LOC400499: variants seen among roughly 807,000 people sequenced by gnomAD.
At chr16:11,488,544 C>G in the LOC400499 span, among the ~76,000 whole-genome samples, 1 of 152,128 alleles carries the variant, frequency 6.6e-6, no homozygotes, top group Non-Finnish European at 1.5e-5. Context: ...CTCAGCCTCC[C>G]AAAGTGCTGG....
At chr16:11,479,932 G>A in the LOC400499 span, among the ~76,000 whole-genome samples, 1 of 152,008 alleles carries the variant, frequency 6.6e-6, no homozygotes, top group African/African-American at 2.4e-5. Flanking sequence ...TGTTTTTCAT[G>A]CCACGTATGT....
At chr16:11,433,252 A>T in the LOC400499 span, among the ~76,000 whole-genome samples, 1 of 152,196 alleles carries the variant, frequency 6.6e-6, no homozygotes, top group East Asian at 1.9e-4. Context: ...ATTTGCCTCG[A>T]ATCCTTTTCA....
the LOC400499 span, chr16:11,393,613 C>A: frequency 8.2e-7 from 1 of 1,222,338 alleles, no homozygotes; most frequent in South Asian, 4.2e-5. Context: ...TGTCCCTGGT[C>A]TCTCCCCTGC....
chr16:11,398,754 G>A, the LOC400499 span, among the ~76,000 whole-genome samples: 1 of 151,840 alleles, frequency 6.6e-6, no homozygotes. Context: ...CTACCTCCCA[G>A]GTTCAAGCGA....
At chr16:11,401,317 T>A in the LOC400499 span, 2 of 399,196 alleles carry the variant, frequency 5.0e-6, no homozygotes, top group Non-Finnish European at 8.8e-6. Flanking sequence ...TGGCCTCGGC[T>A]TGCCGCCAAG....
At chr16:11,383,021 C>G in the LOC400499 span, among the ~76,000 whole-genome samples, 1 of 151,450 alleles carries the variant, frequency 6.6e-6, no homozygotes. Context: ...CCTCAGGAAG[C>G]TTACAATCAT....
the LOC400499 span, chr16:11,493,584 G>A: frequency 6.6e-5 from 26 of 395,450 alleles, no homozygotes; most frequent in African/African-American, 4.1e-4. Context: ...TTAGCAAACT[G>A]TGGTTCGAGA....
chr16:11,511,837 G>C, the LOC400499 span, among the ~76,000 whole-genome samples: 2 of 151,750 alleles, frequency 1.3e-5, no homozygotes, highest in African/African-American at 4.8e-5. Context: ...GACCAGCCTG[G>C]GCAACATAGC....
the LOC400499 span, chr16:11,399,851 G>A: frequency 5.0e-6 from 2 of 398,684 alleles, no homozygotes; most frequent in Non-Finnish European, 8.8e-6. Flanking sequence ...TGGGGAAAGG[G>A]GGACATGTAG....
At chr16:11,460,855 G>A in the LOC400499 span, 16 of 1,378,848 alleles carry the variant, frequency 1.2e-5, no homozygotes, top group African/African-American at 2.3e-4. Flanking sequence ...ATGACTAATG[G>A]AAAACCCCGT....
At chr16:11,513,936 C>A in the LOC400499 span, among the ~76,000 whole-genome samples, 17 of 152,118 alleles carry the variant, frequency 1.1e-4, no homozygotes, top group South Asian at 2.1e-4. Flanking sequence ...ATCCTCCCCC[C>A]AGATATAGGC....
chr16:11,472,194 CT>C, the LOC400499 span: 7,128 of 144,202 alleles, frequency 0.049, 289 homozygotes, highest in East Asian at 0.17. Flanking sequence ...TAGACTTTTT[CT>C]TTTTTTTTTT....
At chr16:11,489,976 C>T in the LOC400499 span, among the ~76,000 whole-genome samples, 1 of 152,294 alleles carries the variant, frequency 6.6e-6, no homozygotes, top group East Asian at 1.9e-4. Flanking sequence ...GCCTAAAGGC[C>T]TATCAGTGGA....
the LOC400499 span, chr16:11,449,013 G>T: frequency 8.5e-6 from 13 of 1,524,474 alleles, no homozygotes; most frequent in South Asian, 1.4e-4. Context: ...GCTGTTCTCA[G>T]CATGGATCTC....
At chr16:11,514,133 G>A in the LOC400499 span, among the ~76,000 whole-genome samples, 1 of 152,198 alleles carries the variant, frequency 6.6e-6, no homozygotes, top group African/African-American at 2.4e-5. Context: ...GGACATCCCA[G>A]GGAAAAGGGA....
At chr16:11,387,687 G>T in the LOC400499 span, among the ~76,000 whole-genome samples, 3 of 152,096 alleles carry the variant, frequency 2.0e-5, no homozygotes, top group African/African-American at 7.2e-5. Flanking sequence ...GAGTGTAGTG[G>T]CACAATCTCA....
the LOC400499 span, among the ~76,000 whole-genome samples, chr16:11,421,661 C>T: frequency 4.6e-5 from 7 of 152,134 alleles, no homozygotes; most frequent in Admixed American, 2.0e-4. Flanking sequence ...ACCTCGGCCT[C>T]CCAAAGTATT....
At chr16:11,476,084 G>C in the LOC400499 span, among the ~76,000 whole-genome samples, 1 of 152,046 alleles carries the variant, frequency 6.6e-6, no homozygotes, top group African/African-American at 2.4e-5. Flanking sequence ...CAGGTGCAAA[G>C]GCCCTGGGGT....
At chr16:11,385,012 C>G in the LOC400499 span, 1 of 1,232,292 alleles carries the variant, frequency 8.1e-7, no homozygotes, top group Non-Finnish European at 1.0e-6. Context: ...CAGGATGCAG[C>G]TTGAGGTCCG....
Sources: gnomAD v4.1 joint callset for allele counts (sites outside exome capture counted in the v4.1 genomes callset) on GRCh38, gnomAD v4.1.1 for gene constraint, MANE v1.5 for transcripts.